ZNF683: variants seen among roughly 807,000 people sequenced by gnomAD.
The protein encoded by ZNF683 is tissue-resident T-cell transcription regulator protein ZNF683.
ZNF683 carries 20 observed loss-of-function variants against 31.4 expected under a neutral mutation model. That is an observed-to-expected ratio of 0.64 (90% confidence interval 0.45 to 0.93). The LOEUF is 0.93. Ranked by LOEUF, ZNF683 falls within the 40% of genes least tolerant of loss-of-function variation. The probability of loss-of-function intolerance (pLI) is 0.00; values close to 1 mark genes in which losing one functional copy is unlikely to be tolerated. For missense variants in ZNF683, 621 were observed against 637.2 expected (o/e 0.97, Z 0.27); for synonymous variants, 264 against 267.6 (o/e 0.99, Z 0.13).
At chr1:26,362,755 C>T (rs80132629) in intron 5 of ZNF683, among the ~76,000 whole-genome samples, 2 of 152,184 alleles carry the variant, frequency 1.3e-5, no homozygotes, top group African/African-American at 4.8e-5. Context: ...AGCATTAACT[C>T]CTCCAATAAC....
chr1:26,364,533 T>A lies in ZNF683; in HGVS notation c.1013A>T (p.Lys338Met). ...GKSFGQLSNL[K>M]VHLRVHSGER... Reference sequence around the variant, plus strand: ...AAGCAGAGCCCAGGAGGCAGATACCTTGAGATTGGAGAGCTGCCCAAAGCT... The same window carrying A: ...AAGCAGAGCCCAGGAGGCAGATACCATGAGATTGGAGAGCTGCCCAAAGCT... Residue 338 changes from lysine to methionine, a missense_variant and splice_region_variant, in exon 4 of 6, where the codon AAG (lysine) becomes ATG (methionine). Transcript: ENST00000349618. 6.2e-7 allele frequency: 1 copy of A among 1,613,778 alleles called. No individual in the cohort carries two copies. Among genetic ancestry groups the A allele is most frequent in the Non-Finnish European group, 8.5e-7 (1 of 1,179,866 alleles).
intron 1 of ZNF683, among the ~76,000 whole-genome samples, chr1:26,369,350 C>A (rs2074609102): frequency 6.6e-6 from 1 of 152,002 alleles, no homozygotes; most frequent in African/African-American, 2.4e-5. Context: ...CATGGTGAAA[C>A]CCCCATCTCT....
At position 26,364,691 on chromosome 1, in the gene ZNF683, G is replaced by A; in HGVS notation, c.855C>T (p.Gly285=). ...GAGAAPTDSP[G]LERGGMASPA... is the part of the protein sequence containing the mutation. ...GAGATGCCATGCCACCACGCTCCAG[G>A]CCTGGGGAGTCGGTTGGGGCAGCTC... The change falls in exon 4 of 6, where the codon GGC becomes GGT. Residue 285 remains glycine (G), a synonymous_variant. Coordinates refer to ENST00000349618, the MANE Select transcript of ZNF683 (RefSeq NM_001114759.3). The A allele has an allele frequency of 6.2e-7, 1 of 1,613,962 alleles. No homozygotes were observed. The highest frequency in any genetic ancestry group is 8.5e-7 in the Non-Finnish European group (1 of 1,179,848).
Position 26,365,241 on chromosome 1 carries a change from G to A in ZNF683, c.320-15C>T. ...TGGCTCGTGCTCTAAGCAGGAAAAG[G>A]AAGGCGGTCAGATCCCCACAGTCTG... On this transcript the variant is annotated splice_polypyrimidine_tract_variant and intron_variant, in intron 3 of 5. Coordinates refer to ENST00000349618, the MANE Select transcript of ZNF683 (RefSeq NM_001114759.3). 1 of 1,572,134 alleles carries A rather than the reference G, an allele frequency of 6.4e-7. No homozygotes were observed. The highest frequency in any genetic ancestry group is 8.6e-7 in the Non-Finnish European group (1 of 1,160,446).
intron 1 of ZNF683, 143 bp downstream of exon 1, chr1:26,372,526 C>A: frequency 1.5e-6 from 2 of 1,304,890 alleles, no homozygotes; most frequent in South Asian, 2.5e-5. Context: ...GAAGGGGTGA[C>A]CCGCACACCT....
At chr1:26,374,252 C>T (rs1207780776), upstream of ZNF683, 1 of 1,303,590 alleles carries the variant, frequency 7.7e-7, no homozygotes, top group South Asian at 1.2e-5. Context: ...GAAGTTTCCT[C>T]CCCTCCAAGG....
chr1:26,370,928 G>T (rs2074655398), intron 1 of ZNF683, among the ~76,000 whole-genome samples: 1 of 152,142 alleles, frequency 6.6e-6, no homozygotes, highest in South Asian at 2.1e-4. Flanking sequence ...GTGAACTGGG[G>T]CTACTGGAAT....
In ZNF683 at chr1:26,367,748, G is replaced by A; in HGVS notation, c.164C>T (p.Pro55Leu). ...GGGACACAGCCAGCTGGCACAGGAT[G>A]GGCCATGAGCATCCACCATGTCTGG... ...PLPDMVDAHG[P>L]SCASWLCPLP... is the part of the protein sequence containing the mutation. Residue 55 changes from proline to leucine, a missense_variant, in exon 3 of 6, where the codon CCA becomes CTA. Pro to Leu is a moderately conservative substitution (Grantham distance 98). Transcript: ENST00000349618. 3.1e-6 allele frequency: 5 copies of A among 1,608,938 alleles called. No homozygotes were observed. The highest frequency in any genetic ancestry group is 4.2e-6 in the Non-Finnish European group (5 of 1,177,088).
intron 1 of ZNF683, among the ~76,000 whole-genome samples, chr1:26,369,994 C>CTCAATCAA (rs71765830): frequency 6.6e-6 from 1 of 151,110 alleles, no homozygotes; most frequent in South Asian, 2.1e-4. Flanking sequence ...AAGACCCTGT[C>CTCAATCAA]TCAATCAATC....
intron 4 of ZNF683, among the ~76,000 whole-genome samples, chr1:26,363,952 GCA>G (rs1223320531): frequency 2.6e-5 from 4 of 152,196 alleles, no homozygotes; most frequent in Admixed American, 6.5e-5. Context: ...GCCAGAGAGC[GCA>G]CAGTTTCCGC....
At chr1:26,374,141 C>T (rs1252887240), upstream of ZNF683, 34 of 868,620 alleles carry the variant, frequency 3.9e-5, no homozygotes, top group Non-Finnish European at 5.1e-5. Flanking sequence ...TTCACCAAAA[C>T]TCTACTCCCT....
At chr1:26,362,527 T>A (rs1354065459) in intron 5 of ZNF683, among the ~76,000 whole-genome samples, 1 of 152,050 alleles carries the variant, frequency 6.6e-6, no homozygotes, top group Non-Finnish European at 1.5e-5. Flanking sequence ...TAGCCAAAGG[T>A]CACACAGCAA....
intron 4 of ZNF683, among the ~76,000 whole-genome samples, chr1:26,363,940 T>A (rs1035082376): frequency 2.6e-5 from 4 of 152,210 alleles, no homozygotes. Flanking sequence ...ACTTCAGAAC[T>A]AGCCAGAGAG....
rs376423563 is a variant in ZNF683 at position 26,367,797 on chromosome 1, C to T, written c.115G>A (p.Val39Ile). Residue 39 changes from valine (V) to isoleucine (I), a missense_variant and splice_region_variant, in exon 3 of 6, where the codon GTC (valine) becomes ATC (isoleucine). Transcript: ENST00000349618. ...GGAAGTGGTCTGCAGGCTGAGAAGA[C>T]CTGGAGGGCAGGGGCAAGGGGCTTG... ...LDFQLFRGDQ[V>I]FSACRPLPDM... 176 of 1,578,534 alleles carry T rather than the reference C, an allele frequency of 1.1e-4. No homozygotes were observed. Among genetic ancestry groups the T allele is most frequent in the Admixed American group, 5.3e-4 (30 of 56,636 alleles).
intron 1 of ZNF683, chr1:26,372,365 C>T: frequency 1.3e-6 from 1 of 778,648 alleles, no homozygotes; most frequent in Non-Finnish European, 1.8e-6. Context: ...GACGCCCAGC[C>T]TCTGAAACTT....
At chr1:26,364,477 C>T (rs2074463493) in intron 4 of ZNF683, 55 bp downstream of exon 4, 6 of 1,594,644 alleles carry the variant, frequency 3.8e-6, no homozygotes, top group Admixed American at 1.7e-5. Flanking sequence ...GACTCGGGTG[C>T]ATGGGGGGCC....
intron 1 of ZNF683, chr1:26,370,700 G>A: frequency 1.0e-6 from 1 of 985,540 alleles, no homozygotes; most frequent in South Asian, 4.7e-5. Context: ...CTCCTGGCTG[G>A]GAAGGAAGGA....
upstream of ZNF683, chr1:26,374,488 G>A: frequency 1.7e-6 from 2 of 1,142,974 alleles, no homozygotes; most frequent in South Asian, 1.6e-5. Context: ...GTTCCCACGT[G>A]GAGAAGCCTC....
chr1:26,372,802 C>A, upstream of ZNF683: 1 of 1,189,282 alleles, frequency 8.4e-7, no homozygotes, highest in East Asian at 5.9e-5. Flanking sequence ...AGTGACATCA[C>A]ATTTAGGCCT....
Sources: gnomAD v4.1 joint callset for allele counts (sites outside exome capture counted in the v4.1 genomes callset) on GRCh38, gnomAD v4.1.1 for gene constraint, MANE v1.5 for transcripts, NCBI Gene and HGNC (gene_info 2026-07-23, HGNC 2026-07-21) for gene names.